Variants in KIF21B observed in about 807,000 individuals in gnomAD.
KIF21B encodes kinesin family member 21B.
A neutral mutation model predicts 192.9 loss-of-function variants in KIF21B; 85 were observed. The ratio of observed to expected loss-of-function variants is 0.44; its 90% CI spans 0.37 to 0.53. KIF21B has a LOEUF of 0.53. Ranked by LOEUF, KIF21B falls within the 20% of genes least tolerant of loss-of-function variation. The probability of loss-of-function intolerance (pLI) is 0.00; values close to 1 mark genes in which losing one functional copy is unlikely to be tolerated. For synonymous variants in KIF21B, 832 were observed against 884.6 expected (o/e 0.94, Z 1.05); for missense variants, 1,716 against 2,194.8 (o/e 0.78, Z 4.36).
chr1:201,014,790 G>A (rs1658414469), intron 1 of KIF21B, among the ~76,000 whole-genome samples: 1 of 152,232 alleles, frequency 6.6e-6, no homozygotes, highest in South Asian at 2.1e-4. Context: ...CCCCATTGGT[G>A]CAGTCCCAGG....
At position 200,990,557 on chromosome 1, in the gene KIF21B, AG is replaced by A; in HGVS notation, c.2835+18del. ...AGGCAGAGGGGTGGAATGGAAGAGAAGGGGGAGGCAGGGCTCACCTTGATGA... is the reference window on the plus strand; with the variant it reads ...AGGCAGAGGGGTGGAATGGAAGAGAAGGGGAGGCAGGGCTCACCTTGATGA... On this transcript the variant is annotated intron_variant, in intron 19 of 34. Transcript: ENST00000461742. This position sits in a 1 kb window ranked among gnomAD's most constrained non-coding sequence, Gnocchi z 5.4. 6.2e-7 allele frequency: 1 copy of A among 1,611,170 alleles called. No homozygotes were observed. The highest frequency in any genetic ancestry group is 1.1e-5 in the South Asian group (1 of 90,876).
chr1:200,976,733 G>A, intron 32 of KIF21B, 43 bp downstream of exon 32: 2 of 1,274,390 alleles, frequency 1.6e-6, no homozygotes, highest in Non-Finnish European at 2.2e-6. Context: ...AGATTGGGGA[G>A]AGTGGAAGAC....
chr1:200,986,399 C>T, intron 26 of KIF21B, among the ~76,000 whole-genome samples: 1 of 151,256 alleles, frequency 6.6e-6, no homozygotes, highest in East Asian at 1.9e-4. Flanking sequence ...TCTCTGTTAC[C>T]CAGGCTGCAG....
Position 201,017,678 on chromosome 1 carries a change from A to AC in KIF21B, c.41+5664dup. On this transcript the variant is annotated intron_variant, in intron 1 of 34. Coordinates refer to ENST00000461742, the MANE Select transcript of KIF21B (RefSeq NM_001252102.2). This position sits in a 1 kb window ranked among gnomAD's most constrained non-coding sequence, Gnocchi z 4.1. Reference sequence around the variant, plus strand: ...TGTGGAGGGCAGCAAGCCTCTCCCCACCACACCGGCCCTGGCCCCCTGCCC... The same window carrying AC: ...TGTGGAGGGCAGCAAGCCTCTCCCCACCCACACCGGCCCTGGCCCCCTGCCC... Among the ~76,000 whole-genome samples, 1 of 152,164 alleles carries AC rather than the reference A, an allele frequency of 6.6e-6. No individual in the cohort carries two copies. The highest frequency in any genetic ancestry group is 1.5e-5 in the Non-Finnish European group (1 of 68,014).
Position 201,000,364 on chromosome 1 carries a change from A to C in KIF21B, c.1685+26T>G. The C allele has an allele frequency of 3.9e-6, 6 of 1,531,328 alleles. No individual in the cohort carries two copies. The highest frequency in any genetic ancestry group is 5.2e-6 in the Non-Finnish European group (6 of 1,149,258). The allele number at this position is 1,531,328 out of a possible 1,614,324, so 94.9% of individuals were successfully genotyped here. ...CCACTGGGGCGGTCTGAGGGCTCTC[A>C]GGGGCGGGGACGACACTCCACTCAC... On this transcript the variant is annotated intron_variant, in intron 11 of 34. Coordinates refer to ENST00000461742, the MANE Select transcript of KIF21B (RefSeq NM_001252102.2). The surrounding 1 kb of genome is among the most constrained non-coding windows in gnomAD (Gnocchi z 6.0).
Position 200,988,933 on chromosome 1 carries a change from T to C in KIF21B, c.3133-2A>G. The C allele has an allele frequency of 6.2e-7, 1 of 1,607,912 alleles. No individual in the cohort carries two copies. Among genetic ancestry groups the C allele is most frequent in the Non-Finnish European group, 8.5e-7 (1 of 1,177,244 alleles). On this transcript the variant is annotated splice_acceptor_variant, in intron 21 of 34. Transcript: ENST00000461742. LOFTEE classifies it high-confidence loss of function. ...TTCCTTTTGTGCCACTTGCAGCCCC[T>C]GGGGGCAGGGAACAAAGCCTGGAGT...
At chr1:200,993,197 G>A (rs1011349330) in intron 15 of KIF21B, among the ~76,000 whole-genome samples, 2 of 152,234 alleles carry the variant, frequency 1.3e-5, no homozygotes, top group Non-Finnish European at 2.9e-5. Context: ...CTGACCTCGG[G>A]CCCTGCGGCA....
At position 201,000,682 on chromosome 1, in the gene KIF21B, A is replaced by G; in HGVS notation, c.1466+35T>C. ...TTGGCGTCACCTGGCCGAGGCCCCCAGCCCGCGCACACCTGCCGGAGCTCA... is the reference window on the plus strand; with the variant it reads ...TTGGCGTCACCTGGCCGAGGCCCCCGGCCCGCGCACACCTGCCGGAGCTCA... On this transcript the variant is annotated intron_variant, in intron 10 of 34. Coordinates refer to ENST00000461742, the MANE Select transcript of KIF21B (RefSeq NM_001252102.2). This position sits in a 1 kb window ranked among gnomAD's most constrained non-coding sequence, Gnocchi z 6.0. The G allele has an allele frequency of 1.2e-6, 2 of 1,613,932 alleles. No homozygotes were observed. Among genetic ancestry groups the G allele is most frequent in the South Asian group, 1.1e-5 (1 of 91,084 alleles).
At chr1:200,985,692 C>T (rs1656240362) in intron 26 of KIF21B, among the ~76,000 whole-genome samples, 1 of 152,096 alleles carries the variant, frequency 6.6e-6, no homozygotes, top group South Asian at 2.1e-4. Context: ...ACTTCCCTGC[C>T]ATTCTGCATT....
rs1036548895 is a variant in KIF21B at position 200,972,304 on chromosome 1, G to C, written c.*1217C>G. On this transcript the variant is annotated 3_prime_UTR_variant, in exon 35 of 35. Coordinates refer to ENST00000461742, the MANE Select transcript of KIF21B (RefSeq NM_001252102.2). ...TGTGTCTCCTGAATAACCAGAGAGAGAGAAGCTGGAGAGACTCCCCGGCCC... is the reference window on the plus strand; with the variant it reads ...TGTGTCTCCTGAATAACCAGAGAGACAGAAGCTGGAGAGACTCCCCGGCCC... 2.0e-5 allele frequency: 3 copies of C among 152,248 alleles called. No individual in the cohort carries two copies. Among genetic ancestry groups the C allele is most frequent in the African/African-American group, 7.2e-5 (3 of 41,410 alleles). The allele number at this position is 152,248 out of a possible 1,614,324, so 9.4% of individuals were successfully genotyped here. A position where few individuals can be genotyped will look rare whatever the true frequency, so the allele number is the denominator to read the frequency against.
rs1300473710 is a variant in KIF21B at position 201,004,941 on chromosome 1, A to G, written c.733-8T>C. The G allele has an allele frequency of 6.2e-7, 1 of 1,602,922 alleles. No homozygotes were observed. On this transcript the variant is annotated splice_polypyrimidine_tract_variant and splice_region_variant and intron_variant, in intron 5 of 34. Coordinates refer to ENST00000461742, the MANE Select transcript of KIF21B (RefSeq NM_001252102.2). ...AGTCACCGCCTCATTCACCTGCAGC[A>G]GAAGTCAGCTCTGACTCACCCAGCC...
In KIF21B at chr1:200,975,553, G is replaced by A. The variant is rs774261434; in HGVS notation, c.4560C>T (p.Gly1520=). 1.2e-6 allele frequency: 2 copies of A among 1,613,986 alleles called. No individual in the cohort carries two copies. The highest frequency in any genetic ancestry group is 1.1e-5 in the South Asian group (1 of 91,074). ...LAIQGDILFS[G]SRDNGIKKWD... ...ACTTCTTGATGCCGTTATCTCGGGA[G>A]CCACTGAACAGGATGTCTCCCTGGA... The change falls in exon 33 of 35, where the codon GGC becomes GGT. Residue 1520 remains glycine, a synonymous_variant. Coordinates refer to ENST00000461742, the MANE Select transcript of KIF21B (RefSeq NM_001252102.2). The surrounding 1 kb of genome is among the most constrained non-coding windows in gnomAD (Gnocchi z 4.3).
intron 1 of KIF21B, among the ~76,000 whole-genome samples, chr1:201,020,209 G>C (rs1460892934): frequency 1.3e-5 from 2 of 152,228 alleles, no homozygotes; most frequent in Non-Finnish European, 2.9e-5. Context: ...GGGGCTCAGA[G>C]CTGGGGACTT....
rs1018648832 is a variant in KIF21B, at chr1:200,988,495, G to A, written c.3348C>T (p.Gly1116=). Residue 1116 remains glycine (G), a splice_region_variant and synonymous_variant, in exon 23 of 35, where the codon GGC becomes GGT. Transcript: ENST00000461742. ...TDEEISEFSE[G]SFSQSFTMKG... is the part of the protein sequence containing the mutation. Reference sequence around the variant, plus strand: ...TCACTCCCAGCTTGCAAACTCACCTGCCCTCAGAGAACTCTGAGATCTCCT... The same window carrying A: ...TCACTCCCAGCTTGCAAACTCACCTACCCTCAGAGAACTCTGAGATCTCCT... 1 of 1,407,196 alleles carries A rather than the reference G, an allele frequency of 7.1e-7. No homozygotes were observed. The allele number at this position is 1,407,196 out of a possible 1,614,324, so 87.2% of individuals were successfully genotyped here. A position where few individuals can be genotyped will look rare whatever the true frequency, so the allele number is the denominator to read the frequency against.
chr1:201,002,471 C>T (rs751659488), intron 8 of KIF21B, 121 bp from the exon 9 acceptor site: 1 of 820,760 alleles, frequency 1.2e-6, no homozygotes, highest in Non-Finnish European at 2.0e-6. Context: ...GGCGCATCAC[C>T]AGTCTCCCCT....
Position 200,999,598 on chromosome 1 carries a change from T to G in KIF21B, c.1768-132A>C. Reference sequence around the variant, plus strand: ...GGGGCAGGCCACAGCTGAGCCCCCCTGCCCACCCCCTACTCCTGGAAGAGT... The same window carrying G: ...GGGGCAGGCCACAGCTGAGCCCCCCGGCCCACCCCCTACTCCTGGAAGAGT... On this transcript the variant is annotated intron_variant, in intron 12 of 34. Transcript: ENST00000461742. This position sits in a 1 kb window ranked among gnomAD's most constrained non-coding sequence, Gnocchi z 4.7. The G allele has an allele frequency of 7.0e-7, 1 of 1,420,452 alleles. No homozygotes were observed. The highest frequency in any genetic ancestry group is 9.3e-7 in the Non-Finnish European group (1 of 1,069,894). The allele number at this position is 1,420,452 out of a possible 1,614,324, so 88.0% of individuals were successfully genotyped here.
intron 15 of KIF21B, among the ~76,000 whole-genome samples, chr1:200,993,019 G>A (rs761584356): frequency 1.3e-5 from 2 of 152,184 alleles, no homozygotes; most frequent in Non-Finnish European, 2.9e-5. Context: ...ACAAATCATC[G>A]CCTCCCAGTC....
chr1:200,998,095 A>G lies in KIF21B; in HGVS notation c.2077+289T>C, dbSNP rs1430379979. Among the ~76,000 whole-genome samples, 1 of 152,252 alleles carries G rather than the reference A, an allele frequency of 6.6e-6. No homozygotes were observed. Among genetic ancestry groups the G allele is most frequent in the Non-Finnish European group, 1.5e-5 (1 of 68,036 alleles). ...CCAAAGGAAAAGACCCAAGGAACTGAGTGCAGGAGGAAAGGCTGGGAGTGT... is the reference window on the plus strand; with the variant it reads ...CCAAAGGAAAAGACCCAAGGAACTGGGTGCAGGAGGAAAGGCTGGGAGTGT... On this transcript the variant is annotated intron_variant, in intron 14 of 34. Transcript: ENST00000461742. The surrounding 1 kb of genome is among the most constrained non-coding windows in gnomAD (Gnocchi z 4.3).
Position 201,008,865 on chromosome 1 carries a change from G to A in KIF21B, c.351C>T (p.Ile117=), listed in dbSNP as rs769807915. Residue 117 remains isoleucine (I), a synonymous_variant, in exon 3 of 35, where the codon ATC becomes ATT. Transcript: ENST00000461742. Reference sequence around the variant, plus strand: ...CGGCAATGCCCCCAAAGAGGTGTGCGATGGCCCTCGGGATGATGCCCTGCT... The same window carrying A: ...CGGCAATGCCCCCAAAGAGGTGTGCAATGGCCCTCGGGATGATGCCCTGCT... ...EEEQGIIPRA[I]AHLFGGIAER... The A allele has an allele frequency of 2.6e-5, 42 of 1,611,078 alleles. No homozygotes were observed. The highest frequency in any genetic ancestry group is 1.2e-4 in the Admixed American group (7 of 60,002).
Sources: allele counts gnomAD v4.1 joint callset (sites outside exome capture counted in the v4.1 genomes callset), GRCh38; gene constraint gnomAD v4.1.1; non-coding constraint Gnocchi (gnomAD v3.1); transcripts MANE v1.5; gene names NCBI Gene and HGNC (gene_info 2026-07-23, HGNC 2026-07-21).